Variants in TMEM163 observed in about 807,000 individuals in gnomAD.
TMEM163 encodes the protein transmembrane protein 163.
Under a neutral mutation model 29.3 loss-of-function variants are expected in TMEM163, and 17 were observed. The ratio of observed to expected loss-of-function variants is 0.58; its 90% CI spans 0.40 to 0.87. The LOEUF (loss-of-function observed/expected upper bound fraction) is 0.87. Among genes scored for constraint, TMEM163 ranks in the 40% least tolerant of loss-of-function variants. The pLI, the probability that TMEM163 is intolerant of heterozygous loss-of-function variation, is 0.00. For missense variants in TMEM163, 303 were observed against 381.5 expected (o/e 0.79, Z 1.71); for synonymous variants, 157 against 160.6 (o/e 0.98, Z 0.17).
intron 2 of TMEM163, among the ~76,000 whole-genome samples, chr2:134,632,841 C>T (rs1311195204): frequency 4.0e-5 from 6 of 149,514 alleles, no homozygotes; most frequent in African/African-American, 1.5e-4. Flanking sequence ...CTCCCGGGTT[C>T]ACGCCATTCT....
In TMEM163 at chr2:134,550,615, C is replaced by T. The variant is rs1680895276; in HGVS notation, c.413G>A (p.Arg138His). 4 of 1,614,178 alleles carry T rather than the reference C, an allele frequency of 2.5e-6. No homozygotes were observed. Among genetic ancestry groups the T allele is most frequent in the East Asian group, 2.2e-5 (1 of 44,886 alleles). Reference protein sequence around the residue: ...DVLSSAIVLWRYSNAAAVHSA... With the variant: ...DVLSSAIVLWHYSNAAAVHSA... ...GTGCACAGCGGCCGCGTTGCTGTAA[C>T]GCCACAGGACAATCGCCGATGACAG... Residue 138 changes from arginine to histidine, a missense_variant, in exon 4 of 8, where the codon CGT becomes CAT. This residue lies in a region of TMEM163 where 203 missense variants were observed against 294.3 expected (regional missense o/e 0.69). Transcript: ENST00000281924.
At chr2:134,521,648 A>C (rs1358848309) in intron 4 of TMEM163, among the ~76,000 whole-genome samples, 1 of 152,176 alleles carries the variant, frequency 6.6e-6, no homozygotes, top group Non-Finnish European at 1.5e-5. Context: ...ACAGAACCAA[A>C]TTGGGTAACA....
chr2:134,600,684 C>T (rs1304068279), intron 2 of TMEM163, among the ~76,000 whole-genome samples: 1 of 152,184 alleles, frequency 6.6e-6, no homozygotes, highest in African/African-American at 2.4e-5. Flanking sequence ...ATAATGAAAA[C>T]AAATGAGATC....
At chr2:134,575,363 G>A (rs757299143) in intron 2 of TMEM163, among the ~76,000 whole-genome samples, 3 of 152,130 alleles carry the variant, frequency 2.0e-5, no homozygotes, top group Non-Finnish European at 4.4e-5. Context: ...TCCTGCTGCT[G>A]TCAGCCAAGA....
intron 1 of TMEM163, among the ~76,000 whole-genome samples, chr2:134,717,374 T>C (rs1685058664): frequency 6.6e-6 from 1 of 152,226 alleles, no homozygotes; most frequent in Non-Finnish European, 1.5e-5. Context: ...TCTAGTTATG[T>C]GAGAACAGGG....
At chr2:134,565,807 G>A (rs566089059) in intron 2 of TMEM163, among the ~76,000 whole-genome samples, 150 of 152,262 alleles carry the variant, frequency 9.9e-4, no homozygotes, top group African/African-American at 3.5e-3. Context: ...ACAACTACAC[G>A]TATGCATCTC....
chr2:134,571,179 A>G (rs995270448), intron 2 of TMEM163, among the ~76,000 whole-genome samples: 1 of 152,166 alleles, frequency 6.6e-6, no homozygotes, highest in Admixed American at 6.6e-5. Flanking sequence ...TAAGAATCCA[A>G]TTATATCTAA....
chr2:134,586,181 A>C (rs923933112), intron 2 of TMEM163, among the ~76,000 whole-genome samples: 4 of 152,220 alleles, frequency 2.6e-5, no homozygotes, highest in African/African-American at 9.6e-5. Context: ...CCTTTTCTTT[A>C]GTGATTCCTT....
intron 2 of TMEM163, among the ~76,000 whole-genome samples, chr2:134,633,769 C>T (rs535188281): frequency 3.8e-4 from 57 of 151,944 alleles, no homozygotes; most frequent in African/African-American, 1.3e-3. Flanking sequence ...CGAGACCAGA[C>T]TGGCCAACAT....
intron 2 of TMEM163, among the ~76,000 whole-genome samples, chr2:134,573,670 A>G (rs1016080498): frequency 1.3e-5 from 2 of 152,268 alleles, no homozygotes; most frequent in African/African-American, 4.8e-5. Flanking sequence ...GTGCTGTTTC[A>G]GTGTTAAGTG....
chr2:134,664,907 G>A (rs948103547), intron 2 of TMEM163, among the ~76,000 whole-genome samples: 9 of 151,858 alleles, frequency 5.9e-5, no homozygotes, highest in African/African-American at 2.2e-4. Flanking sequence ...TTTGAGACAG[G>A]GTCTTGCTAT....
intron 2 of TMEM163, among the ~76,000 whole-genome samples, chr2:134,557,094 G>C (rs1447690823): frequency 6.6e-6 from 1 of 152,220 alleles, no homozygotes; most frequent in African/African-American, 2.4e-5. Context: ...GGACCTTCCA[G>C]AGAAGAAGAG....
intron 2 of TMEM163, among the ~76,000 whole-genome samples, chr2:134,562,964 A>C (rs1288489182): frequency 1.3e-5 from 2 of 152,256 alleles, no homozygotes; most frequent in Admixed American, 6.5e-5. Flanking sequence ...TCTCAATCAA[A>C]TCTTGGGCAG....
At chr2:134,556,307 T>C (rs1311720720) in intron 2 of TMEM163, among the ~76,000 whole-genome samples, 1 of 152,158 alleles carries the variant, frequency 6.6e-6, no homozygotes, top group Admixed American at 6.5e-5. Context: ...GCCACATGAG[T>C]CTTAATACAA....
At chr2:134,459,318 A>AC (rs1249111747) in intron 6 of TMEM163, 9 of 151,550 alleles carry the variant, frequency 5.9e-5, no homozygotes. Context: ...CCTGGACCCT[A>AC]CAACGCACTT....
chr2:134,701,494 C>T (rs1684703046), intron 2 of TMEM163, among the ~76,000 whole-genome samples: 1 of 152,214 alleles, frequency 6.6e-6, no homozygotes, highest in Non-Finnish European at 1.5e-5. Context: ...AAGGGCAATA[C>T]CCACTCATCC....
intron 2 of TMEM163, among the ~76,000 whole-genome samples, chr2:134,581,385 T>C (rs570645795): frequency 1.4e-4 from 22 of 152,324 alleles, no homozygotes; most frequent in African/African-American, 4.8e-4. Context: ...TACATGCAAA[T>C]AGCCTTAGCA....
chr2:134,606,313 A>G (rs990287124), intron 2 of TMEM163, among the ~76,000 whole-genome samples: 2 of 150,082 alleles, frequency 1.3e-5, no homozygotes, highest in African/African-American at 5.0e-5. Flanking sequence ...ATTGCACTCC[A>G]GCCTGGGCAA....
At chr2:134,701,937 A>G (rs1558997402) in intron 2 of TMEM163, among the ~76,000 whole-genome samples, 1 of 150,190 alleles carries the variant, frequency 6.7e-6, no homozygotes, top group Admixed American at 6.6e-5. Flanking sequence ...AAAAAAAAAA[A>G]GAATTTCAAA....
Sources: allele counts gnomAD v4.1 joint callset (sites outside exome capture counted in the v4.1 genomes callset), GRCh38; gene constraint gnomAD v4.1.1; regional missense constraint gnomAD v4.1.1; transcripts MANE v1.5; gene names NCBI Gene and HGNC (gene_info 2026-07-23, HGNC 2026-07-21).